RORA: variants seen among roughly 807,000 people sequenced by gnomAD.
RORA encodes the protein nuclear receptor ROR-alpha.
Under a neutral mutation model 69.5 loss-of-function variants are expected in RORA, and 7 were observed. That is an observed-to-expected ratio of 0.10 (90% CI 0.06 to 0.19). The LOEUF (loss-of-function observed/expected upper bound fraction) is 0.19. Ranked by LOEUF, RORA falls within the 10% of genes least tolerant of loss-of-function variation. The pLI, the probability that RORA is intolerant of heterozygous loss-of-function variation, is 1.00. For missense variants in RORA, 457 were observed against 663.0 expected (o/e 0.69, Z 3.41); for synonymous variants, 261 against 240.8 (o/e 1.08, Z -0.78).
intron 1 of RORA, among the ~76,000 whole-genome samples, chr15:61,021,524 T>A (rs1196687812): frequency 6.6e-6 from 1 of 152,140 alleles, no homozygotes; most frequent in Non-Finnish European, 1.5e-5. Context: ...ATCGTACAAG[T>A]GAGGACATTG....
chr15:60,699,160 A>C (rs370253022), intron 1 of RORA, among the ~76,000 whole-genome samples: 3 of 152,092 alleles, frequency 2.0e-5, no homozygotes, highest in African/African-American at 7.2e-5. Flanking sequence ...TAATTCTACT[A>C]TAAATATCCT....
chr15:61,118,518 T>C (rs1223894849), intron 1 of RORA, among the ~76,000 whole-genome samples: 1 of 152,140 alleles, frequency 6.6e-6, no homozygotes, highest in Non-Finnish European at 1.5e-5. Flanking sequence ...TTTGTATGTA[T>C]AGAGGACTTA....
chr15:61,212,212 C>A (rs1596075877), intron 1 of RORA, among the ~76,000 whole-genome samples: 1 of 151,486 alleles, frequency 6.6e-6, no homozygotes, highest in South Asian at 2.1e-4. Flanking sequence ...AGAGACAGGA[C>A]AACTCAATGC....
chr15:60,917,201 C>T (rs571911427), intron 1 of RORA, among the ~76,000 whole-genome samples: 1 of 152,336 alleles, frequency 6.6e-6, no homozygotes, highest in Admixed American at 6.5e-5. Context: ...CATGCATTTT[C>T]AATCCAATTT....
Position 60,495,590 on chromosome 15 carries a change from A to G in RORA, c.*1865T>C, listed in dbSNP as rs984347298. The stretch of plus-strand genomic sequence containing the variant: ...ACCTAGCATGACGTGAAGAGCTGCA[A>G]TTCCTGTAGAAGATTCCGCAGGGAC... On this transcript the variant is annotated 3_prime_UTR_variant, in exon 11 of 11. Coordinates refer to ENST00000335670, the MANE Select transcript of RORA (RefSeq NM_134261.3). The G allele has an allele frequency of 1.3e-4, 20 of 152,222 alleles. No homozygotes were observed. The highest frequency in any genetic ancestry group is 4.8e-4 in the African/African-American group (20 of 41,446). The allele number at this position is 152,222 out of a possible 1,614,324, so 9.4% of individuals were successfully genotyped here.
chr15:61,065,946 T>C (rs188685036), intron 1 of RORA, among the ~76,000 whole-genome samples: 39 of 152,310 alleles, frequency 2.6e-4, no homozygotes, highest in Admixed American at 2.3e-3. Flanking sequence ...CCCTTCAAGG[T>C]TGGTTGCAAC....
chr15:61,020,361 T>C (rs943693444), intron 1 of RORA, among the ~76,000 whole-genome samples: 2 of 152,140 alleles, frequency 1.3e-5, no homozygotes, highest in African/African-American at 4.8e-5. Flanking sequence ...GTAGCTAGCA[T>C]CTTACCATGG....
At chr15:60,740,984 G>C (rs2071568505) in intron 1 of RORA, among the ~76,000 whole-genome samples, 1 of 152,174 alleles carries the variant, frequency 6.6e-6, no homozygotes, top group African/African-American at 2.4e-5. Flanking sequence ...TTTCCCGTGT[G>C]GTGTTGAAAC....
At chr15:60,579,766 T>C (rs1156377602) in intron 2 of RORA, among the ~76,000 whole-genome samples, 1 of 152,110 alleles carries the variant, frequency 6.6e-6, no homozygotes, top group Non-Finnish European at 1.5e-5. Context: ...TGCAAATTAA[T>C]GCTCCCCTAA....
chr15:61,151,892 A>G (rs952281619), intron 1 of RORA, among the ~76,000 whole-genome samples: 1 of 152,190 alleles, frequency 6.6e-6, no homozygotes, highest in African/African-American at 2.4e-5. Flanking sequence ...TAGTTCCTGC[A>G]TTCACTATTA....
chr15:60,939,412 GTTC>G (rs1892621373), intron 1 of RORA, among the ~76,000 whole-genome samples: 1 of 152,138 alleles, frequency 6.6e-6, no homozygotes, highest in African/African-American at 2.4e-5. Context: ...CCTTTGAGGT[GTTC>G]TTCTGACTGG....
Position 60,534,031 on chromosome 15 carries a change from C to CCCTGT in RORA, c.197-2181_197-2180insACAGG, listed in dbSNP as rs2066606354. Among the ~76,000 whole-genome samples, 1 of 152,178 alleles carries CCCTGT rather than the reference C, an allele frequency of 6.6e-6. No individual in the cohort carries two copies. Among genetic ancestry groups the CCCTGT allele is most frequent in the Admixed American group, 6.5e-5 (1 of 15,282 alleles). ...TTAGTCCTTTACAAGAATATGAAGG[C>CCCTGT]CCTGGGCAGGGCATATTGAGAACAA... is the stretch of plus-strand genomic sequence containing the variant. On this transcript the variant is annotated intron_variant, in intron 2 of 10. Coordinates refer to ENST00000335670, the MANE Select transcript of RORA (RefSeq NM_134261.3). This position sits in a 1 kb window ranked among gnomAD's most constrained non-coding sequence, Gnocchi z 5.0.
intron 3 of RORA, among the ~76,000 whole-genome samples, chr15:60,525,617 G>T (rs947019781): frequency 1.3e-5 from 2 of 152,158 alleles, no homozygotes; most frequent in African/African-American, 2.4e-5. Context: ...TGACAACCAA[G>T]ATTTATTCAT....
At chr15:61,123,319 C>T (rs573043105) in intron 1 of RORA, among the ~76,000 whole-genome samples, 3 of 152,194 alleles carry the variant, frequency 2.0e-5, no homozygotes, top group South Asian at 4.2e-4. Context: ...GGATGGGAAA[C>T]GGCTTCGTTC....
At chr15:60,614,328 G>A (rs1356337105) in intron 2 of RORA, among the ~76,000 whole-genome samples, 1 of 152,150 alleles carries the variant, frequency 6.6e-6, no homozygotes, top group Non-Finnish European at 1.5e-5. Flanking sequence ...TTTGGAGCAT[G>A]GGCCATCAGC....
At chr15:60,664,817 A>G (rs190129459) in intron 2 of RORA, among the ~76,000 whole-genome samples, 2 of 152,344 alleles carry the variant, frequency 1.3e-5, no homozygotes, top group East Asian at 3.9e-4. Flanking sequence ...CCTCTCATTT[A>G]TGAGCAAGGC....
At chr15:60,907,921 C>T (rs892929545) in intron 1 of RORA, among the ~76,000 whole-genome samples, 2 of 152,202 alleles carry the variant, frequency 1.3e-5, no homozygotes, top group African/African-American at 4.8e-5. Flanking sequence ...CTCCCAGGTG[C>T]ACAGTGAACA....
intron 1 of RORA, among the ~76,000 whole-genome samples, chr15:61,130,558 G>A (rs936211888): frequency 6.6e-6 from 1 of 152,130 alleles, no homozygotes; most frequent in African/African-American, 2.4e-5. Context: ...ACTGTGTTTC[G>A]CCATTTGATA....
chr15:60,663,978 CT>C (rs1024455730), intron 2 of RORA, among the ~76,000 whole-genome samples: 2 of 152,128 alleles, frequency 1.3e-5, no homozygotes, highest in African/African-American at 2.4e-5. Context: ...CTAGGAAAAT[CT>C]GTGAGAATGA....
Sources: gnomAD v4.1 joint callset for allele counts (sites outside exome capture counted in the v4.1 genomes callset) on GRCh38, gnomAD v4.1.1 for gene constraint, Gnocchi (gnomAD v3.1) non-coding constraint, MANE v1.5 for transcripts, NCBI Gene and HGNC (gene_info 2026-07-23, HGNC 2026-07-21) for gene names.